ETV6: variants seen among roughly 807,000 people sequenced by gnomAD.
The protein encoded by ETV6 is transcription factor ETV6.
Under a neutral mutation model 51.1 loss-of-function variants are expected in ETV6, and 16 were observed. The ratio of observed to expected loss-of-function variants is 0.31; its 90% CI spans 0.21 to 0.48. The LOEUF (loss-of-function observed/expected upper bound fraction) is 0.48. ETV6 is among the 20% of genes least tolerant of loss of function. The pLI is 0.99. For synonymous variants in ETV6, 240 were observed against 224.1 expected (o/e 1.07, Z -0.64); for missense variants, 458 against 594.8 (o/e 0.77, Z 2.39).
At chr12:11,670,133 T>C (rs1864286435) in intron 1 of ETV6, among the ~76,000 whole-genome samples, 1 of 152,216 alleles carries the variant, frequency 6.6e-6, no homozygotes, top group African/African-American at 2.4e-5. Flanking sequence ...ATTCTTGTAA[T>C]TAGAGATTAT....
At chr12:11,803,224 C>G (rs1565532077) in intron 2 of ETV6, among the ~76,000 whole-genome samples, 1 of 152,138 alleles carries the variant, frequency 6.6e-6, no homozygotes, top group Non-Finnish European at 1.5e-5. Context: ...CTGGACATGT[C>G]TTTAGGTGGA....
chr12:11,886,645 G>C (rs1947191181), intron 7 of ETV6, among the ~76,000 whole-genome samples: 1 of 152,194 alleles, frequency 6.6e-6, no homozygotes, highest in Non-Finnish European at 1.5e-5. Context: ...AAGTCTACAA[G>C]CTGCTGCACT....
intron 3 of ETV6, among the ~76,000 whole-genome samples, chr12:11,845,879 C>A (rs1173363366): frequency 6.6e-6 from 1 of 151,926 alleles, no homozygotes; most frequent in African/African-American, 2.4e-5. Flanking sequence ...GTATTCCCAG[C>A]TACTCAGGAG....
Position 11,853,670 on chromosome 12 carries a change from G to A in ETV6, c.463+109G>A, listed in dbSNP as rs556876931. The A allele has an allele frequency of 3.9e-6, 5 of 1,289,242 alleles. 1 individual carries two copies. The South Asian group carries it at 6.6e-5, about 17-fold the overall frequency. 79.9% of individuals were successfully genotyped at this position (1,289,242 alleles called of 1,614,324 possible). ...TTCGTGTAAGTTCACTTTTCATTCA[G>A]TAGACAATTATTGAGTGCTTACTAT... On this transcript the variant is annotated intron_variant, in intron 4 of 7. Coordinates refer to ENST00000396373, the MANE Select transcript of ETV6 (RefSeq NM_001987.5).
intron 2 of ETV6, among the ~76,000 whole-genome samples, chr12:11,797,875 G>T (rs952194098): frequency 2.0e-5 from 3 of 152,232 alleles, no homozygotes; most frequent in Non-Finnish European, 2.9e-5. Context: ...TGAAGGAAAA[G>T]ATTTTAGTTC....
chr12:11,884,738 A>G (rs903957904), intron 6 of ETV6, 151 bp downstream of exon 6: 24 of 922,180 alleles, frequency 2.6e-5, no homozygotes, highest in Non-Finnish European at 3.5e-5. Context: ...AGGCAGTTGC[A>G]AAGGGAAGGA....
Position 11,752,527 on chromosome 12 carries a change from G to A in ETV6, c.111G>A (p.Val37=). ...YASSTPLHVP[V]PRALRMEEDS... ...CCTCGACGCCACTTCATGTTCCAGT[G>A]CCTCGAGCGCTCAGGATGGAGGAAG... Residue 37 remains valine (V), a synonymous_variant, in exon 2 of 8, where the codon GTG becomes GTA. Transcript: ENST00000396373. The A allele has an allele frequency of 1.2e-6, 2 of 1,613,936 alleles. No homozygotes were observed. The highest frequency in any genetic ancestry group is 1.7e-6 in the Non-Finnish European group (2 of 1,180,022).
At chr12:11,772,954 G>A (rs1945264836) in intron 2 of ETV6, among the ~76,000 whole-genome samples, 1 of 152,022 alleles carries the variant, frequency 6.6e-6, no homozygotes, top group African/African-American at 2.4e-5. Flanking sequence ...CAGCACTTTG[G>A]GAGGCCGAGG....
At position 11,893,791 on chromosome 12, in the gene ETV6, ATT is replaced by A. The variant is rs201886381; in HGVS notation, c.*2748_*2749del. 0.37 allele frequency: 38,967 copies of A among 106,024 alleles called. 7,194 individuals carry two copies. The highest frequency in any genetic ancestry group is 0.46 in the Admixed American group (4,176 of 9,102). 6.6% of individuals were successfully genotyped at this position (106,024 alleles called of 1,614,324 possible). ...TTTGTGTCCATCCCCAAGATCTCTC[ATT>A]TTATATATATATATATATATATATA... On this transcript the variant is annotated 3_prime_UTR_variant, in exon 8 of 8. Coordinates refer to ENST00000396373, the MANE Select transcript of ETV6 (RefSeq NM_001987.5).
intron 1 of ETV6, among the ~76,000 whole-genome samples, chr12:11,734,947 A>C (rs1865674413): frequency 6.6e-6 from 1 of 152,236 alleles, no homozygotes; most frequent in African/African-American, 2.4e-5. Context: ...TTGTGATAAC[A>C]ATATGAAACC....
intron 1 of ETV6, among the ~76,000 whole-genome samples, chr12:11,671,873 G>GA (rs979966965): frequency 2.0e-5 from 3 of 151,342 alleles, no homozygotes; most frequent in African/African-American, 7.3e-5. Context: ...TTATTCGTGT[G>GA]AAAAACTCAA....
At chr12:11,687,981 T>C (rs1205538795) in intron 1 of ETV6, among the ~76,000 whole-genome samples, 3 of 152,244 alleles carry the variant, frequency 2.0e-5, no homozygotes, top group Non-Finnish European at 4.4e-5. Flanking sequence ...ATTTATTCTT[T>C]ATGTCAGCCA....
intron 3 of ETV6, among the ~76,000 whole-genome samples, chr12:11,847,090 A>G (rs906165996): frequency 6.6e-6 from 1 of 152,176 alleles, no homozygotes. Flanking sequence ...GTCTACGAGC[A>G]ATAGTTGTGA....
intron 2 of ETV6, among the ~76,000 whole-genome samples, chr12:11,801,848 A>G (rs916167228): frequency 6.6e-6 from 1 of 152,200 alleles, no homozygotes; most frequent in African/African-American, 2.4e-5. Context: ...TGAATAAGCA[A>G]TTATCTGACA....
At chr12:11,785,237 G>C (rs907719301) in intron 2 of ETV6, among the ~76,000 whole-genome samples, 3 of 152,056 alleles carry the variant, frequency 2.0e-5, no homozygotes, top group African/African-American at 7.2e-5. Context: ...TCAGGCCTTT[G>C]CACTTGCTGA....
rs1946837347 is a variant in ETV6 at position 11,869,215 on chromosome 12, A to G, written c.464-209A>G. On this transcript the variant is annotated intron_variant, in intron 4 of 7. Transcript: ENST00000396373. This position sits in a 1 kb window ranked among gnomAD's most constrained non-coding sequence, Gnocchi z 5.0. The stretch of plus-strand genomic sequence containing the variant: ...CGTGCCACTGCACTCCAGCCTGGGC[A>G]ACAGAGTGAGACTCCATCTCAAACA... Among the ~76,000 whole-genome samples, 1 of 151,480 alleles carries G rather than the reference A, an allele frequency of 6.6e-6. No individual in the cohort carries two copies. The highest frequency in any genetic ancestry group is 1.5e-5 in the Non-Finnish European group (1 of 67,834).
chr12:11,853,201 C>T (rs1946582787), intron 3 of ETV6, among the ~76,000 whole-genome samples: 1 of 152,168 alleles, frequency 6.6e-6, no homozygotes, highest in Admixed American at 6.5e-5. Context: ...AAAAAGTATA[C>T]GATTTTCATA....
chr12:11,806,912 G>T (rs1945837516), intron 2 of ETV6, among the ~76,000 whole-genome samples: 2 of 152,226 alleles, frequency 1.3e-5, no homozygotes, highest in Non-Finnish European at 2.9e-5. Context: ...CTCATGATCT[G>T]ACAATCCCGA....
intron 2 of ETV6, among the ~76,000 whole-genome samples, chr12:11,767,062 C>A (rs983086314): frequency 6.6e-6 from 1 of 152,104 alleles, no homozygotes; most frequent in Non-Finnish European, 1.5e-5. Flanking sequence ...AGAAGGATGG[C>A]GGTATCATTT....
Sources: gnomAD v4.1 joint callset for allele counts (sites outside exome capture counted in the v4.1 genomes callset) on GRCh38, gnomAD v4.1.1 for gene constraint, Gnocchi (gnomAD v3.1) non-coding constraint, MANE v1.5 for transcripts, NCBI Gene and HGNC (gene_info 2026-07-23, HGNC 2026-07-21) for gene names.